Variants in DLGAP2 observed in about 807,000 individuals in gnomAD.
DLGAP2 encodes disks large-associated protein 2.
In DLGAP2, 26 loss-of-function variants were observed where a neutral mutation model predicts 100.3. That is an observed-to-expected ratio of 0.26 (90% CI 0.19 to 0.36). DLGAP2 has a LOEUF of 0.36. DLGAP2 is among the 10% of genes least tolerant of loss of function. The pLI is 1.00. For synonymous variants in DLGAP2, 886 were observed against 630.1 expected (o/e 1.41, Z -6.08); for missense variants, 1,858 against 1,453.2 (o/e 1.28, Z -4.53).
intron 2 of DLGAP2, among the ~76,000 whole-genome samples, chr8:1,113,342 ATATTT>A (rs1805019241): frequency 1.3e-5 from 2 of 152,178 alleles, no homozygotes; most frequent in African/African-American, 4.8e-5. Flanking sequence ...TGAGCCTGGA[ATATTT>A]TTCCATTTGT....
chr8:1,579,881 A>G (rs550893282), intron 6 of DLGAP2, among the ~76,000 whole-genome samples: 1 of 152,160 alleles, frequency 6.6e-6, no homozygotes, highest in Non-Finnish European at 1.5e-5. Flanking sequence ...ATGCGCTGCT[A>G]CCACCCTCAG....
chr8:1,088,208 T>G (rs1203137261), intron 2 of DLGAP2, among the ~76,000 whole-genome samples: 1 of 152,212 alleles, frequency 6.6e-6, no homozygotes, highest in Admixed American at 6.5e-5. Context: ...GCACTAGTCC[T>G]GGTAGCCAAT....
At chr8:1,683,806 G>T (rs1799022462) in intron 12 of DLGAP2, among the ~76,000 whole-genome samples, 2 of 124,516 alleles carry the variant, frequency 1.6e-5, no homozygotes, top group Non-Finnish European at 3.3e-5. Context: ...CCACTGAAAT[G>T]ATCCTGATTT....
intron 3 of DLGAP2, among the ~76,000 whole-genome samples, chr8:1,315,637 G>T (rs1314110233): frequency 5.2e-5 from 7 of 134,726 alleles, no homozygotes; most frequent in African/African-American, 1.9e-4. Flanking sequence ...TAAAAATAGA[G>T]CGTGTGCAAG....
chr8:1,327,234 G>A (rs1801042660), intron 3 of DLGAP2, among the ~76,000 whole-genome samples: 1 of 152,254 alleles, frequency 6.6e-6, no homozygotes, highest in Admixed American at 6.5e-5. Flanking sequence ...GTAAGGCTGA[G>A]CTAAGTGACC....
At chr8:1,617,415 C>A (rs1168182909) in intron 6 of DLGAP2, among the ~76,000 whole-genome samples, 5 of 152,158 alleles carry the variant, frequency 3.3e-5, no homozygotes, top group African/African-American at 1.2e-4. Context: ...TAGTAATAGC[C>A]ATTCTGATGG....
At chr8:1,542,319 C>A (rs1028892752) in intron 4 of DLGAP2, among the ~76,000 whole-genome samples, 3 of 152,242 alleles carry the variant, frequency 2.0e-5, no homozygotes, top group African/African-American at 4.8e-5. Flanking sequence ...AGTAGATTTA[C>A]AGGTATGTGC....
intron 7 of DLGAP2, among the ~76,000 whole-genome samples, chr8:1,632,448 G>A (rs951730181): frequency 6.6e-6 from 1 of 152,164 alleles, no homozygotes; most frequent in African/African-American, 2.4e-5. Context: ...TTGGAAAGGG[G>A]GGGCCGTCAT....
intron 1 of DLGAP2, among the ~76,000 whole-genome samples, chr8:887,207 T>G (rs1160900936): frequency 6.6e-6 from 1 of 152,128 alleles, no homozygotes; most frequent in Non-Finnish European, 1.5e-5. Context: ...TTTTTTTTTT[T>G]GCTTTCCATT....
At chr8:955,338 C>T (rs771135946) in intron 2 of DLGAP2, among the ~76,000 whole-genome samples, 10 of 152,142 alleles carry the variant, frequency 6.6e-5, no homozygotes, top group African/African-American at 1.2e-4. Context: ...AAGTGCCCAG[C>T]GAGGCCTCTC....
At chr8:782,619 G>T (rs1821727624) in intron 1 of DLGAP2, among the ~76,000 whole-genome samples, 1 of 152,216 alleles carries the variant, frequency 6.6e-6, no homozygotes, top group South Asian at 2.1e-4. Flanking sequence ...TCAAATCAAT[G>T]TGAAGAGACC....
At chr8:1,024,317 C>A (rs564373924) in intron 2 of DLGAP2, among the ~76,000 whole-genome samples, 1 of 143,318 alleles carries the variant, frequency 7.0e-6, no homozygotes, top group East Asian at 2.0e-4. Context: ...GAGGCAGACA[C>A]CCCAGCCACC....
At chr8:1,013,122 C>G (rs940483292) in intron 2 of DLGAP2, among the ~76,000 whole-genome samples, 1 of 152,188 alleles carries the variant, frequency 6.6e-6, no homozygotes, top group Admixed American at 6.5e-5. Flanking sequence ...TGTCTTTTCC[C>G]TGTTCCAGTT....
rs1032362943 is a variant in DLGAP2 at position 1,305,276 on chromosome 8, C to G, written c.106+46393C>G. On this transcript the variant is annotated intron_variant, in intron 3 of 14. Transcript: ENST00000637795. ...ATGAGAGACAGCATATGTGAGGTGC[C>G]TGGTCTTCCGCAGTTCTCTGTCTTC... 5.9e-5 allele frequency among the ~76,000 whole-genome samples: 9 copies of G among 152,154 alleles called. No homozygotes were observed. The South Asian group carries it at 1.7e-3, about 28-fold the overall frequency.
intron 3 of DLGAP2, among the ~76,000 whole-genome samples, chr8:1,412,198 C>T (rs1796750756): frequency 6.6e-6 from 1 of 152,200 alleles, no homozygotes; most frequent in Admixed American, 6.5e-5. Flanking sequence ...TGCAGAGCCC[C>T]CAGCACTGGG....
chr8:1,198,147 C>T (rs775184718), intron 2 of DLGAP2, among the ~76,000 whole-genome samples: 1 of 152,022 alleles, frequency 6.6e-6, no homozygotes, highest in Non-Finnish European at 1.5e-5. Flanking sequence ...TGGACGTAGA[C>T]TCCCACACAG....
At chr8:1,616,444 A>C (rs1797157345) in intron 6 of DLGAP2, among the ~76,000 whole-genome samples, 2 of 152,190 alleles carry the variant, frequency 1.3e-5, no homozygotes, top group South Asian at 4.1e-4. Flanking sequence ...CCTAGCCACA[A>C]AATAGTTAAA....
At chr8:869,221 C>G (rs906525762) in intron 1 of DLGAP2, among the ~76,000 whole-genome samples, 3 of 152,218 alleles carry the variant, frequency 2.0e-5, no homozygotes, top group Non-Finnish European at 2.9e-5. Context: ...CACCCCTAAA[C>G]GGTTCCTCGG....
At chr8:1,140,626 G>A (rs1796505145) in intron 2 of DLGAP2, among the ~76,000 whole-genome samples, 1 of 152,148 alleles carries the variant, frequency 6.6e-6, no homozygotes, top group South Asian at 2.1e-4. Context: ...CAGGCTGGGA[G>A]CTGACTTCCT....
Sources: gnomAD v4.1 joint callset for allele counts (sites outside exome capture counted in the v4.1 genomes callset) on GRCh38, gnomAD v4.1.1 for gene constraint, MANE v1.5 for transcripts, NCBI Gene and HGNC (gene_info 2026-07-23, HGNC 2026-07-21) for gene names.